Variants in ARHGAP15 observed in about 807,000 individuals in gnomAD.
The protein encoded by ARHGAP15 is Rho GTPase activating protein 15.
In ARHGAP15, 51 loss-of-function variants were observed where a neutral mutation model predicts 63.7. The observed-to-expected ratio is 0.80, with a 90% CI of 0.64 to 1.01. The LOEUF (loss-of-function observed/expected upper bound fraction) is 1.01. Among genes scored for constraint, ARHGAP15 ranks in the 50% least tolerant of loss-of-function variants. ARHGAP15 has a pLI of 0.00. For synonymous variants in ARHGAP15, 191 were observed against 193.8 expected, an observed-to-expected ratio of 0.99 and a Z score of 0.12; for missense variants, 560 against 564.6, an observed-to-expected ratio of 0.99 and a Z score of 0.08.
At chr2:143,700,698 G>A (rs1476374456) in intron 12 of ARHGAP15, among the ~76,000 whole-genome samples, 1 of 152,110 alleles carries the variant, frequency 6.6e-6, no homozygotes, top group Non-Finnish European at 1.5e-5. Flanking sequence ...GTGTGTGTGT[G>A]TGTGTATACA....
intron 13 of ARHGAP15, chr2:143,704,020 A>T (rs1048597490): frequency 4.6e-5 from 7 of 151,788 alleles, no homozygotes; most frequent in African/African-American, 1.2e-4. Flanking sequence ...AAAAAAAAAA[A>T]AAAAGGCAAA....
At chr2:143,723,888 T>G (rs1373376121) in intron 13 of ARHGAP15, among the ~76,000 whole-genome samples, 2 of 152,176 alleles carry the variant, frequency 1.3e-5, no homozygotes, top group African/African-American at 4.8e-5. Flanking sequence ...GGGTGGACAG[T>G]GCTGTGTGCA....
chr2:143,660,665 C>A (rs187023968), intron 12 of ARHGAP15, among the ~76,000 whole-genome samples: 2 of 152,158 alleles, frequency 1.3e-5, no homozygotes, highest in East Asian at 3.9e-4. Flanking sequence ...GATTTGAGTA[C>A]CAGTATGATA....
At chr2:143,136,784 T>C (rs1267814502) in intron 1 of ARHGAP15, among the ~76,000 whole-genome samples, 1 of 152,146 alleles carries the variant, frequency 6.6e-6, no homozygotes, top group East Asian at 1.9e-4. Flanking sequence ...GAATCCTTTT[T>C]TGAGGTTCTA....
intron 10 of ARHGAP15, among the ~76,000 whole-genome samples, chr2:143,522,788 G>A (rs1355658055): frequency 1.3e-5 from 2 of 152,130 alleles, no homozygotes; most frequent in Non-Finnish European, 2.9e-5. Flanking sequence ...CCATGGGTTG[G>A]GAAAGCTTGA....
chr2:143,665,772 T>C lies in ARHGAP15; in HGVS notation c.1139-37647T>C, dbSNP rs1245908404. ...AATCACAGGCATTCTTATACACCAA[T>C]AACAGACAAACAGAAAGCCAAATCA... On this transcript the variant is annotated intron_variant, in intron 12 of 13. Transcript: ENST00000295095. Among the ~76,000 whole-genome samples the C allele has an allele frequency of 1.1e-4, 17 of 151,220 alleles. No individual in the cohort carries two copies. In the East Asian group the frequency reaches 3.3e-3, roughly 29 times the overall value.
chr2:143,455,877 A>G (rs1335420665), intron 8 of ARHGAP15, among the ~76,000 whole-genome samples: 2 of 151,926 alleles, frequency 1.3e-5, no homozygotes, highest in African/African-American at 4.8e-5. Flanking sequence ...CTTTTTTTAA[A>G]ATCCCAAATG....
intron 10 of ARHGAP15, among the ~76,000 whole-genome samples, chr2:143,547,070 C>T (rs1695364899): frequency 6.6e-6 from 1 of 152,122 alleles, no homozygotes; most frequent in Non-Finnish European, 1.5e-5. Flanking sequence ...CAAGCAAACT[C>T]AGAATCTTGC....
At chr2:143,735,486 A>G (rs1000496352) in intron 13 of ARHGAP15, among the ~76,000 whole-genome samples, 2 of 152,214 alleles carry the variant, frequency 1.3e-5, no homozygotes, top group African/African-American at 4.8e-5. Flanking sequence ...CAACACCAGA[A>G]TTGTATCGTA....
Position 143,460,333 on chromosome 2 carries a change from A to T in ARHGAP15, c.703+23291A>T, listed in dbSNP as rs1299746984. Among the ~76,000 whole-genome samples, 8 of 152,112 alleles carry T rather than the reference A, an allele frequency of 5.3e-5. 1 individual carries two copies. The East Asian group carries it at 5.8e-4, about 11-fold the overall frequency. ...TGCTCACACGAATTTTTTTCCCCAC[A>T]CTTCACCAGCCCTTGACATGTGACT... On this transcript the variant is annotated intron_variant, in intron 8 of 13. Coordinates refer to ENST00000295095, the MANE Select transcript of ARHGAP15 (RefSeq NM_018460.4).
Position 143,453,170 on chromosome 2 carries a change from G to T in ARHGAP15, c.703+16128G>T, listed in dbSNP as rs182684258. The stretch of plus-strand genomic sequence containing the variant: ...TATTAAGTGACTGAGGCACTGAAAG[G>T]TTAATCAATTTACACAAAGTTATAT... On this transcript the variant is annotated intron_variant, in intron 8 of 13. Transcript: ENST00000295095. Among the ~76,000 whole-genome samples, 5 of 151,876 alleles carry T rather than the reference G, an allele frequency of 3.3e-5. No homozygotes were observed. In the East Asian group the frequency reaches 9.7e-4, roughly 29 times the overall value.
chr2:143,332,577 G>A (rs1453044937), intron 6 of ARHGAP15, among the ~76,000 whole-genome samples: 1 of 151,926 alleles, frequency 6.6e-6, no homozygotes, highest in African/African-American at 2.4e-5. Context: ...TTTTCTTCAC[G>A]GCTTTTCTAT....
intron 12 of ARHGAP15, among the ~76,000 whole-genome samples, chr2:143,682,137 A>C (rs1042747619): frequency 6.6e-6 from 1 of 152,224 alleles, no homozygotes; most frequent in Non-Finnish European, 1.5e-5. Context: ...GTAGCAGTGC[A>C]CTAAGATACA....
intron 3 of ARHGAP15, among the ~76,000 whole-genome samples, chr2:143,205,454 T>C (rs1692295552): frequency 6.6e-6 from 1 of 152,156 alleles, no homozygotes; most frequent in Non-Finnish European, 1.5e-5. Flanking sequence ...CTGTCTCCTG[T>C]GTTCATTACT....
At chr2:143,482,503 C>T (rs1208247583) in intron 8 of ARHGAP15, among the ~76,000 whole-genome samples, 1 of 152,186 alleles carries the variant, frequency 6.6e-6, no homozygotes, top group Non-Finnish European at 1.5e-5. Context: ...GGAAGGAACA[C>T]TGTTCTGTTA....
At chr2:143,140,346 CA>C (rs1346513778) in intron 1 of ARHGAP15, among the ~76,000 whole-genome samples, 4 of 151,764 alleles carry the variant, frequency 2.6e-5, no homozygotes, top group Non-Finnish European at 5.9e-5. Context: ...GTACCCTCAC[CA>C]AAAATACCCT....
chr2:143,320,883 T>G (rs932551691), intron 6 of ARHGAP15, among the ~76,000 whole-genome samples: 1 of 152,182 alleles, frequency 6.6e-6, no homozygotes, highest in Non-Finnish European at 1.5e-5. Context: ...GCAATGTGAC[T>G]CTATCAGGTA....
At chr2:143,151,740 G>A (rs1689830567) in intron 1 of ARHGAP15, among the ~76,000 whole-genome samples, 2 of 151,946 alleles carry the variant, frequency 1.3e-5, no homozygotes, top group Admixed American at 6.6e-5. Flanking sequence ...TAGGCAGGGG[G>A]AAACTGGGGA....
At chr2:143,290,827 G>A (rs1682359386) in intron 6 of ARHGAP15, among the ~76,000 whole-genome samples, 1 of 152,088 alleles carries the variant, frequency 6.6e-6, no homozygotes, top group African/African-American at 2.4e-5. Context: ...TTAGAAATGA[G>A]GGAAACACAG....
Sources: allele counts gnomAD v4.1 joint callset (sites outside exome capture counted in the v4.1 genomes callset), GRCh38; gene constraint gnomAD v4.1.1; transcripts MANE v1.5; gene names NCBI Gene and HGNC (gene_info 2026-07-23, HGNC 2026-07-21).